The following LETM1 variants were observed in gnomAD, a reference collection of about 807,000 sequenced individuals.
LETM1 encodes the protein leucine zipper and EF-hand containing transmembrane protein 1.
A neutral mutation model predicts 74.5 loss-of-function variants in LETM1; 50 were observed. That is an observed-to-expected ratio of 0.67 (90% CI 0.53 to 0.85). LETM1 has a LOEUF of 0.85. Among genes scored for constraint, LETM1 ranks in the 40% least tolerant of loss-of-function variants. LETM1 has a pLI of 0.00. For synonymous variants in LETM1, 446 were observed against 407.1 expected (o/e 1.10, Z -1.15); for missense variants, 824 against 967.8 (o/e 0.85, Z 1.97).
At position 1,819,445 on chromosome 4, in the gene LETM1, C is replaced by T. The variant is rs1399237574; in HGVS notation, c.1636G>A (p.Asp546Asn). The T allele has an allele frequency of 2.5e-6, 4 of 1,613,238 alleles. No individual in the cohort carries two copies. The highest frequency in any genetic ancestry group is 1.7e-5 in the Admixed American group (1 of 59,830). Reference protein sequence around the residue: ...KEEEITKEEIDILSDACSKLQ... With the variant: ...KEEEITKEEINILSDACSKLQ... ...TTAGAGCAGGCATCGCTGAGGATGT[C>T]GATTTCCTCCTTCGTGATCTCTTCC... is the stretch of plus-strand genomic sequence containing the variant. The change falls in exon 11 of 14, where the codon GAC (aspartate) becomes AAC (asparagine). Residue 546 changes from aspartate to asparagine, a missense_variant. Physicochemically the swap from Asp to Asn is conservative, Grantham distance 23. Around this residue, in one of 4 missense-constraint regions of LETM1, gnomAD observed 161 missense variants for 252.7 expected, o/e 0.64. Transcript: ENST00000302787.
At chr4:1,817,898 G>A (rs1476595834) in intron 11 of LETM1, among the ~76,000 whole-genome samples, 1 of 152,154 alleles carries the variant, frequency 6.6e-6, no homozygotes, top group Non-Finnish European at 1.5e-5. Flanking sequence ...TCCTGCCTCA[G>A]TCTCTGGAGT....
chr4:1,851,761 G>A (rs956959207), intron 1 of LETM1, among the ~76,000 whole-genome samples: 1 of 152,068 alleles, frequency 6.6e-6, no homozygotes, highest in African/African-American at 2.4e-5. Context: ...CCCCTGCCCC[G>A]GCCAGCTCCT....
chr4:1,841,864 A>C, intron 2 of LETM1, 67 bp from the exon 3 acceptor site: 1 of 1,191,550 alleles, frequency 8.4e-7, no homozygotes, highest in Non-Finnish European at 1.2e-6. Context: ...TCAGCACCGA[A>C]CACCAACAGC....
intron 12 of LETM1, 79 bp downstream of exon 12, chr4:1,816,648 C>T: frequency 1.4e-6 from 2 of 1,422,310 alleles, no homozygotes; most frequent in South Asian, 1.3e-5. Context: ...GCCAGAAGGG[C>T]CCAGCTCGGA....
In LETM1 at chr4:1,832,927, C is replaced by T. The variant is rs1712328731; in HGVS notation, c.897G>A (p.Arg299=). 4 of 1,612,284 alleles carry T rather than the reference C, an allele frequency of 2.5e-6. No individual in the cohort carries two copies. In the South Asian group the frequency reaches 4.4e-5, roughly 18 times the overall value. The change falls in exon 6 of 14, where the codon AGG becomes AGA. Residue 299 remains arginine, a synonymous_variant. Coordinates refer to ENST00000302787, the MANE Select transcript of LETM1 (RefSeq NM_012318.3). ...AACGCATGATTTCCTCATTGCTGGG[C>T]CTCTCCCCTGTTTCCCGGATCTGCG... ...FFQKIRETGE[R]PSNEEIMRFS...
At chr4:1,828,353 C>T (rs1363435218) in intron 6 of LETM1, among the ~76,000 whole-genome samples, 108 of 85,876 alleles carry the variant, frequency 1.3e-3, no homozygotes, top group Admixed American at 1.8e-3. Flanking sequence ...CCCTCCCGGA[C>T]GGGGCGGCTG....
At position 1,834,635 on chromosome 4, in the gene LETM1, G is replaced by C; in HGVS notation, c.876+210C>G. ...GACGCCCATAATTCTGAAGGCTGAC[G>C]AGGCGCAGCCACCACAGCTTAACTC... On this transcript the variant is annotated intron_variant, in intron 5 of 13. Transcript: ENST00000302787. The surrounding 1 kb of genome is among the most constrained non-coding windows in gnomAD (Gnocchi z 5.0). 7.2e-7 allele frequency: 1 copy of C among 1,393,542 alleles called. No individual in the cohort carries two copies. The highest frequency in any genetic ancestry group is 1.5e-5 in the African/African-American group (1 of 68,808). 86.3% of individuals were successfully genotyped at this position (1,393,542 alleles called of 1,614,324 possible).
At chr4:1,824,733 C>G (rs1216732112) in intron 7 of LETM1, among the ~76,000 whole-genome samples, 1 of 152,228 alleles carries the variant, frequency 6.6e-6, no homozygotes, top group Non-Finnish European at 1.5e-5. Flanking sequence ...CCTGCTCAGA[C>G]ACCCCTGTGT....
chr4:1,827,991 C>T (rs1193601619), intron 6 of LETM1, among the ~76,000 whole-genome samples: 148 of 143,522 alleles, frequency 1.0e-3, no homozygotes, highest in African/African-American at 4.0e-3. Context: ...CCAGCAGGGG[C>T]GGCCGGGCAG....
At chr4:1,818,902 T>C (rs2108836130) in intron 11 of LETM1, among the ~76,000 whole-genome samples, 1 of 151,938 alleles carries the variant, frequency 6.6e-6, no homozygotes, top group East Asian at 1.9e-4. Flanking sequence ...GTCAACATGG[T>C]GAAACCCCGT....
At position 1,836,392 on chromosome 4, in the gene LETM1, C is replaced by T. The variant is rs1712463346; in HGVS notation, c.738+37G>A. 1 of 1,606,688 alleles carries T rather than the reference C, an allele frequency of 6.2e-7. No homozygotes were observed. The highest frequency in any genetic ancestry group is 8.5e-7 in the Non-Finnish European group (1 of 1,173,990). On this transcript the variant is annotated intron_variant, in intron 4 of 13. Coordinates refer to ENST00000302787, the MANE Select transcript of LETM1 (RefSeq NM_012318.3). This position sits in a 1 kb window ranked among gnomAD's most constrained non-coding sequence, Gnocchi z 5.8. The stretch of plus-strand genomic sequence containing the variant: ...GGAAGCCATCACAATGAATTTCAGA[C>T]TCATTCTAAAACAAGCAGTTGGGAT...
Position 1,836,469 on chromosome 4 carries a change from G to T in LETM1, c.698C>A (p.Pro233His). 1 of 1,614,020 alleles carries T rather than the reference G, an allele frequency of 6.2e-7. No individual in the cohort carries two copies. Among genetic ancestry groups the T allele is most frequent in the Non-Finnish European group, 8.5e-7 (1 of 1,179,990 alleles). ...FLLPVAVKLF[P>H]NMLPSTFETQ... is the part of the protein sequence containing the mutation. Reference sequence around the variant, plus strand: ...CTCAAATGTGGATGGCAACATGTTGGGGAAGAGCTTCACAGCAACAGGCAG... The same window carrying T: ...CTCAAATGTGGATGGCAACATGTTGTGGAAGAGCTTCACAGCAACAGGCAG... Residue 233 changes from proline (P) to histidine (H), a missense_variant, in exon 4 of 14, where the codon CCC becomes CAC. By Grantham distance (77) the Pro-to-His change is moderately conservative. Around this residue, in one of 4 missense-constraint regions of LETM1, gnomAD observed 269 missense variants for 348.8 expected, o/e 0.77. Transcript: ENST00000302787. The surrounding 1 kb of genome is among the most constrained non-coding windows in gnomAD (Gnocchi z 5.8).
intron 2 of LETM1, among the ~76,000 whole-genome samples, chr4:1,845,798 C>T (rs906760433): frequency 6.6e-6 from 1 of 151,846 alleles, no homozygotes; most frequent in Non-Finnish European, 1.5e-5. Flanking sequence ...CTGCCCGCCT[C>T]GGATTACAGG....
chr4:1,821,384 G>A (rs1040178397), intron 10 of LETM1, among the ~76,000 whole-genome samples: 6 of 151,380 alleles, frequency 4.0e-5, no homozygotes, highest in Middle Eastern at 3.2e-3. Context: ...GAGCCACTGC[G>A]CCTGGCCAAA....
rs1577305495 is a variant in LETM1, at chr4:1,812,325, A to G, written c.*2099T>C. ...GCTTGCAGTGAGCCGAGATCGCACC[A>G]CTGCACTCCAGCCTGGGTGACAGAG... On this transcript the variant is annotated 3_prime_UTR_variant, in exon 14 of 14. Coordinates refer to ENST00000302787, the MANE Select transcript of LETM1 (RefSeq NM_012318.3). The G allele has an allele frequency of 7.4e-6, 1 of 135,306 alleles. No homozygotes were observed. Among genetic ancestry groups the G allele is most frequent in the South Asian group, 2.5e-4 (1 of 4,070 alleles). 8.4% of individuals were successfully genotyped at this position (135,306 alleles called of 1,614,324 possible). A position where few individuals can be genotyped will look rare whatever the true frequency, so the allele number is the denominator to read the frequency against.
intron 6 of LETM1, among the ~76,000 whole-genome samples, chr4:1,831,352 G>A (rs189888530): frequency 4.7e-4 from 72 of 152,340 alleles, no homozygotes; most frequent in Non-Finnish European, 9.1e-4. Context: ...GCTTGCTACC[G>A]CTGGGAACGG....
In LETM1 at chr4:1,814,305, CT is replaced by C; in HGVS notation, c.*118del. The C allele has an allele frequency of 6.8e-7, 1 of 1,465,644 alleles. No homozygotes were observed. The highest frequency in any genetic ancestry group is 1.4e-5 in the African/African-American group (1 of 71,000). 90.8% of individuals were successfully genotyped at this position (1,465,644 alleles called of 1,614,324 possible). A position where few individuals can be genotyped will look rare whatever the true frequency, so the allele number is the denominator to read the frequency against. On this transcript the variant is annotated 3_prime_UTR_variant, in exon 14 of 14. Coordinates refer to ENST00000302787, the MANE Select transcript of LETM1 (RefSeq NM_012318.3). ...AAAATTTACTTGATTATGGAAGTCT[CT>C]GATTTATTCCAGCCAAAATATTAGA...
intron 13 of LETM1, 83 bp downstream of exon 13, chr4:1,815,581 G>C: frequency 6.6e-7 from 1 of 1,504,098 alleles, no homozygotes; most frequent in South Asian, 1.2e-5. Context: ...GGAGGGTGCC[G>C]GACATGCAAT....
chr4:1,841,816 GA>G lies in LETM1; in HGVS notation c.144-20del, dbSNP rs1385166189. The G allele has an allele frequency of 3.8e-6, 6 of 1,576,596 alleles. No homozygotes were observed. Among genetic ancestry groups the G allele is most frequent in the Non-Finnish European group, 5.2e-6 (6 of 1,155,894 alleles). Reference sequence around the variant, plus strand: ...AACATTCCTTGAAAAGGGAAGAGTGGAAAACAGTAGTAAGAGCCAGCACTAG... The same window carrying G: ...AACATTCCTTGAAAAGGGAAGAGTGGAAACAGTAGTAAGAGCCAGCACTAG... On this transcript the variant is annotated intron_variant, in intron 2 of 13. Transcript: ENST00000302787.
Sources: gnomAD v4.1 joint callset for allele counts (sites outside exome capture counted in the v4.1 genomes callset) on GRCh38, gnomAD v4.1.1 for gene constraint, gnomAD v4.1.1 regional missense constraint, Gnocchi (gnomAD v3.1) non-coding constraint, MANE v1.5 for transcripts, NCBI Gene and HGNC (gene_info 2026-07-23, HGNC 2026-07-21) for gene names.